NGLY1: variants seen among roughly 807,000 people sequenced by gnomAD.
NGLY1 encodes the protein peptide-N(4)-(N-acetyl-beta-glucosaminyl)asparagine amidase.
NGLY1 carries 68 observed loss-of-function variants against 84.6 expected under a neutral mutation model. The observed-to-expected ratio is 0.80, with a 90% CI of 0.66 to 0.98. The LOEUF (loss-of-function observed/expected upper bound fraction) is 0.98. Among genes scored for constraint, NGLY1 ranks in the 50% least tolerant of loss-of-function variants. The pLI is 0.00. For synonymous variants in NGLY1, 280 were observed against 275.2 expected, an observed-to-expected ratio of 1.02 and a Z score of -0.17; for missense variants, 779 against 770.2, an observed-to-expected ratio of 1.01 and a Z score of -0.14.
chr3:25,750,472 G>C (rs1253241996), intron 4 of NGLY1, among the ~76,000 whole-genome samples: 1 of 152,154 alleles, frequency 6.6e-6, no homozygotes, highest in Non-Finnish European at 1.5e-5. Flanking sequence ...AAGTAGAATA[G>C]TCGTTGCTGG....
chr3:25,759,695 TAAA>T (rs1559549117), intron 3 of NGLY1, among the ~76,000 whole-genome samples: 1 of 152,224 alleles, frequency 6.6e-6, no homozygotes, highest in Non-Finnish European at 1.5e-5. Flanking sequence ...ATTGAGAGAC[TAAA>T]GTTACTTAGA....
chr3:25,736,399 C>T, intron 6 of NGLY1: 1 of 1,547,980 alleles, frequency 6.5e-7, no homozygotes, highest in African/African-American at 1.4e-5. Context: ...TGCGCTGTAA[C>T]TCTTAAGAAG....
chr3:25,786,406 A>G (rs1708604058), upstream of NGLY1, among the ~76,000 whole-genome samples: 1 of 152,116 alleles, frequency 6.6e-6, no homozygotes, highest in African/African-American at 2.4e-5. Context: ...GAAAAAAAAA[A>G]TCTTTATTTT....
chr3:25,788,393 T>A (rs28587163), upstream of NGLY1, among the ~76,000 whole-genome samples: 6,140 of 152,224 alleles, frequency 0.04, 380 homozygotes, highest in African/African-American at 0.14. Context: ...CAGAGCCCAT[T>A]TGAAGATTTT....
chr3:25,787,243 A>G (rs1029176824), upstream of NGLY1, among the ~76,000 whole-genome samples: 7 of 152,140 alleles, frequency 4.6e-5, no homozygotes, highest in Admixed American at 1.3e-4. Flanking sequence ...TGAGAAGGTG[A>G]GAAAGGAGAG....
intron 2 of NGLY1, among the ~76,000 whole-genome samples, chr3:25,768,769 C>T (rs919811522): frequency 6.6e-6 from 1 of 151,590 alleles, no homozygotes; most frequent in African/African-American, 2.4e-5. Context: ...GTCTCAAACT[C>T]CTGACCTCAT....
chr3:25,722,895 GA>G (rs1317802233), intron 10 of NGLY1, among the ~76,000 whole-genome samples: 2 of 152,164 alleles, frequency 1.3e-5, no homozygotes, highest in African/African-American at 2.4e-5. Context: ...AGCAAAGGGG[GA>G]TATCTGGGAA....
At chr3:25,764,341 A>G (rs1469638760) in intron 2 of NGLY1, 30 bp from the exon 3 acceptor site, 1 of 1,599,990 alleles carries the variant, frequency 6.3e-7, no homozygotes, top group East Asian at 2.2e-5. Flanking sequence ...AAAAAATGTG[A>G]ACCTTTGCTT....
In NGLY1 at chr3:25,739,663, C is replaced by T. The variant is rs374184658; in HGVS notation, c.795G>A (p.Leu265=). 3.1e-6 allele frequency: 5 copies of T among 1,614,078 alleles called. No homozygotes were observed. The highest frequency in any genetic ancestry group is 4.2e-6 in the Non-Finnish European group (5 of 1,180,008). The change falls in exon 5 of 12, where the codon CTG becomes CTA. Residue 265 remains leucine (L), a synonymous_variant. Transcript: ENST00000280700. ...CCCACTTCAGCTCATCATCACTGGG[C>T]AGTAATGATCTATCTCTAGACCTAG... ...GQTRSRDRSL[L]PSDDELKWGA... is the part of the protein sequence containing the mutation.
Position 25,779,256 on chromosome 3 carries a change from C to A in NGLY1, c.132-568G>T, listed in dbSNP as rs890634837. 3.3e-5 allele frequency among the ~76,000 whole-genome samples: 5 copies of A among 152,082 alleles called. No homozygotes were observed. In the East Asian group the frequency reaches 9.7e-4, roughly 29 times the overall value. On this transcript the variant is annotated intron_variant, in intron 1 of 11. Transcript: ENST00000280700. ...CCTGGCCCAAGACATATTCTTGACA[C>A]AGACAGTATGGCAATAAAAGGAAGA...
In NGLY1 at chr3:25,783,176, G is replaced by T; in HGVS notation, c.131+84C>A. ...GGGCGTCGCTGCCCTCTGAAGCTCA[G>T]GCCGGACGCCCCAGTCCCTGGCCGA... On this transcript the variant is annotated intron_variant, in intron 1 of 11. Transcript: ENST00000280700. The surrounding 1 kb of genome is among the most constrained non-coding windows in gnomAD (Gnocchi z 4.5). 1 of 1,311,570 alleles carries T rather than the reference G, an allele frequency of 7.6e-7. No individual in the cohort carries two copies. The highest frequency in any genetic ancestry group is 2.5e-5 in the East Asian group (1 of 39,786). The allele number at this position is 1,311,570 out of a possible 1,614,324, so 81.2% of individuals were successfully genotyped here.
intron 2 of NGLY1, among the ~76,000 whole-genome samples, chr3:25,770,912 G>A (rs1707862160): frequency 1.3e-5 from 2 of 151,880 alleles, no homozygotes; most frequent in Admixed American, 6.6e-5. Flanking sequence ...TTTTCTTGCT[G>A]ATTTGTTTGA....
At chr3:25,749,481 C>T (rs771489461) in intron 4 of NGLY1, 10 of 1,497,930 alleles carry the variant, frequency 6.7e-6, no homozygotes, top group Admixed American at 3.4e-5. Flanking sequence ...ATCTCCTCTT[C>T]GGCCTCATGG....
rs1044797782 is a variant in NGLY1 at position 25,747,717 on chromosome 3, G to A, written c.658+3381C>T. On this transcript the variant is annotated intron_variant, in intron 4 of 11. Transcript: ENST00000280700. ...CCCATTAGAGAACTGAGGTCACAGA[G>A]TGAATTATCACCCCAAAGTCCAAAA... Among the ~76,000 whole-genome samples, 9 of 152,266 alleles carry A rather than the reference G, an allele frequency of 5.9e-5. No individual in the cohort carries two copies. The East Asian group carries it at 1.5e-3, about 26-fold the overall frequency.
chr3:25,731,170 C>T (rs1018103298), intron 9 of NGLY1, among the ~76,000 whole-genome samples: 13 of 151,914 alleles, frequency 8.6e-5, no homozygotes, highest in South Asian at 6.2e-4. Flanking sequence ...CAAGCATATA[C>T]CAAGAAATAA....
intron 3 of NGLY1, among the ~76,000 whole-genome samples, chr3:25,762,639 T>C (rs1707371424): frequency 1.3e-5 from 2 of 152,088 alleles, no homozygotes; most frequent in Admixed American, 6.5e-5. Context: ...TGGAACTATA[T>C]CTGAATTGTA....
intron 11 of NGLY1, 123 bp from the exon 12 acceptor site, chr3:25,719,758 A>C: frequency 1.3e-6 from 1 of 779,968 alleles, no homozygotes; most frequent in East Asian, 2.8e-5. Flanking sequence ...AAATAAATAC[A>C]AATTATTCTT....
At chr3:25,749,869 C>T in intron 4 of NGLY1, 1 of 896,904 alleles carries the variant, frequency 1.1e-6, no homozygotes, top group Non-Finnish European at 1.8e-6. Flanking sequence ...ACCCCAATGC[C>T]AGGCTGCACA....
intron 6 of NGLY1, 164 bp from the exon 7 acceptor site, chr3:25,736,313 A>G (rs1197874522): frequency 1.9e-6 from 3 of 1,551,272 alleles, no homozygotes; most frequent in African/African-American, 2.7e-5. Flanking sequence ...GAATACCTGT[A>G]TTAATTTCTG....
Sources: gnomAD v4.1 joint callset for allele counts (sites outside exome capture counted in the v4.1 genomes callset) on GRCh38, gnomAD v4.1.1 for gene constraint, Gnocchi (gnomAD v3.1) non-coding constraint, MANE v1.5 for transcripts, NCBI Gene and HGNC (gene_info 2026-07-23, HGNC 2026-07-21) for gene names.